Variants in CREB5 observed in about 807,000 individuals in gnomAD.
CREB5 encodes cAMP responsive element binding protein 5.
Under a neutral mutation model 57.1 loss-of-function variants are expected in CREB5, and 19 were observed. The observed-to-expected ratio is 0.33, with a 90% CI of 0.23 to 0.49. The LOEUF (loss-of-function observed/expected upper bound fraction) is 0.49, where lower values mean the gene tolerates loss of function less well. Ranked by LOEUF, CREB5 falls within the 20% of genes least tolerant of loss-of-function variation. The pLI, the probability that CREB5 is intolerant of heterozygous loss-of-function variation, is 0.99. For synonymous variants in CREB5, 238 were observed against 238.3 expected (o/e 1.00, Z 0.01); for missense variants, 579 against 671.6 (o/e 0.86, Z 1.52).
chr7:28,543,994 C>T lies in CREB5; in HGVS notation c.292-26371C>T, dbSNP rs531149352. Among the ~76,000 whole-genome samples the T allele has an allele frequency of 3.3e-5, 5 of 150,526 alleles. No individual in the cohort carries two copies. In the South Asian group the frequency reaches 8.5e-4, roughly 26 times the overall value. ...TTAAATGAGATGATTATTTTTGCCT[C>T]GATAAATGGTGAGTTTTATGAGTAT... On this transcript the variant is annotated intron_variant, in intron 4 of 10. Coordinates refer to ENST00000357727, the MANE Select transcript of CREB5 (RefSeq NM_182898.4).
At chr7:28,392,658 C>T (rs1361125782) in intron 1 of CREB5, among the ~76,000 whole-genome samples, 1 of 152,164 alleles carries the variant, frequency 6.6e-6, no homozygotes, top group African/African-American at 2.4e-5. Context: ...GCCTATCTGC[C>T]TTTCATAGAC....
chr7:28,733,690 G>A (rs1034223920), intron 7 of CREB5, among the ~76,000 whole-genome samples: 2 of 152,010 alleles, frequency 1.3e-5, no homozygotes, highest in African/African-American at 2.4e-5. Flanking sequence ...GACCTGCCTC[G>A]CCGCCAGCCT....
chr7:28,784,731 G>A (rs985010150), intron 7 of CREB5, among the ~76,000 whole-genome samples: 11 of 152,088 alleles, frequency 7.2e-5, no homozygotes, highest in African/African-American at 2.4e-4. Flanking sequence ...AAGGGATGGG[G>A]GTGTGATGTG....
At chr7:28,391,403 T>C (rs968793953) in intron 1 of CREB5, among the ~76,000 whole-genome samples, 1 of 152,246 alleles carries the variant, frequency 6.6e-6, no homozygotes, top group East Asian at 1.9e-4. Flanking sequence ...TTGTAGCTAC[T>C]AATCGGCCGT....
At chr7:28,455,673 C>T (rs778709061) in intron 1 of CREB5, among the ~76,000 whole-genome samples, 4 of 149,838 alleles carry the variant, frequency 2.7e-5, no homozygotes, top group Non-Finnish European at 1.5e-5. Context: ...TTTGATGCTT[C>T]ATGGAGGAAT....
rs572844122 is a variant in CREB5 at position 28,539,192 on chromosome 7, G to A, written c.292-31173G>A. Among the ~76,000 whole-genome samples the A allele has an allele frequency of 4.6e-5, 7 of 152,262 alleles. No individual in the cohort carries two copies. In the South Asian group the frequency reaches 1.0e-3, roughly 23 times the overall value. On this transcript the variant is annotated intron_variant, in intron 4 of 10. Transcript: ENST00000357727. Reference sequence around the variant, plus strand: ...AGAGGTCCTGTGACCATTCAATTTGGTAATTCTTTAAAGGTTTTCAGAATG... The same window carrying A: ...AGAGGTCCTGTGACCATTCAATTTGATAATTCTTTAAAGGTTTTCAGAATG...
At chr7:28,362,870 G>T (rs967603108) in intron 1 of CREB5, among the ~76,000 whole-genome samples, 4 of 152,162 alleles carry the variant, frequency 2.6e-5, no homozygotes, top group Admixed American at 6.5e-5. Flanking sequence ...TTCTCATCTG[G>T]AAAGTGGGAA....
intron 1 of CREB5, among the ~76,000 whole-genome samples, chr7:28,456,764 T>C (rs1479342888): frequency 6.6e-6 from 1 of 152,240 alleles, no homozygotes; most frequent in African/African-American, 2.4e-5. Context: ...ATTTTGCATA[T>C]AGACAGACCT....
intron 7 of CREB5, among the ~76,000 whole-genome samples, chr7:28,786,138 C>T (rs560208551): frequency 2.0e-5 from 3 of 152,282 alleles, no homozygotes; most frequent in South Asian, 4.1e-4. Context: ...CCTTTCTCCC[C>T]ACCTTTTCAA....
chr7:28,730,470 C>T (rs1803556938), intron 7 of CREB5, among the ~76,000 whole-genome samples: 1 of 152,062 alleles, frequency 6.6e-6, no homozygotes, highest in Admixed American at 6.5e-5. Context: ...CAGGCATGAG[C>T]CACCACGCTT....
At chr7:28,690,627 C>A (rs1472685533) in intron 5 of CREB5, among the ~76,000 whole-genome samples, 1 of 152,146 alleles carries the variant, frequency 6.6e-6, no homozygotes, top group African/African-American at 2.4e-5. Flanking sequence ...CCAGACTGAC[C>A]TCGAGGAGCC....
intron 1 of CREB5, among the ~76,000 whole-genome samples, chr7:28,463,315 C>G (rs1023221708): frequency 5.9e-5 from 9 of 152,150 alleles, no homozygotes; most frequent in Non-Finnish European, 7.4e-5. Flanking sequence ...CAGTACCGCA[C>G]TGTCTTGATT....
chr7:28,461,543 T>C (rs1017699587), intron 1 of CREB5, among the ~76,000 whole-genome samples: 1 of 152,028 alleles, frequency 6.6e-6, no homozygotes, highest in Non-Finnish European at 1.5e-5. Flanking sequence ...ATGAGTGGAG[T>C]CTATATATTA....
At chr7:28,513,353 A>G (rs1470073519) in intron 4 of CREB5, 1 of 152,216 alleles carries the variant, frequency 6.6e-6, no homozygotes, top group Non-Finnish European at 1.5e-5. Flanking sequence ...GAGAAAAAGA[A>G]TATTCTGAAA....
intron 5 of CREB5, among the ~76,000 whole-genome samples, chr7:28,685,789 C>A (rs1219969931): frequency 6.6e-6 from 1 of 151,776 alleles, no homozygotes; most frequent in African/African-American, 2.4e-5. Context: ...CCATCCCCAG[C>A]GGCACTGTTT....
intron 5 of CREB5, among the ~76,000 whole-genome samples, chr7:28,602,633 T>C (rs1029524109): frequency 9.8e-5 from 15 of 152,322 alleles, no homozygotes; most frequent in Non-Finnish European, 1.8e-4. Context: ...CTATATGATT[T>C]CATTTATATA....
upstream of CREB5, chr7:28,410,580 C>T (rs1454045917): frequency 4.4e-6 from 2 of 456,206 alleles, no homozygotes; most frequent in Admixed American, 4.7e-5. Context: ...CTCTCACCCC[C>T]ATCCCCAACT....
At chr7:28,468,680 G>C (rs1206760986) in intron 1 of CREB5, among the ~76,000 whole-genome samples, 1 of 152,228 alleles carries the variant, frequency 6.6e-6, no homozygotes, top group South Asian at 2.1e-4. Flanking sequence ...CTTTCACGGA[G>C]ATGTGTAGTT....
At chr7:28,627,774 T>C (rs1296159848) in intron 5 of CREB5, among the ~76,000 whole-genome samples, 1 of 152,152 alleles carries the variant, frequency 6.6e-6, no homozygotes, top group African/African-American at 2.4e-5. Context: ...CAGCTTATCT[T>C]CAGCCTTAGA....
Sources: gnomAD v4.1 joint callset for allele counts (sites outside exome capture counted in the v4.1 genomes callset) on GRCh38, gnomAD v4.1.1 for gene constraint, MANE v1.5 for transcripts, NCBI Gene and HGNC (gene_info 2026-07-23, HGNC 2026-07-21) for gene names.